GPC2: variants seen among roughly 807,000 people sequenced by gnomAD.
GPC2 encodes glypican-2.
In GPC2, 42 loss-of-function variants were observed where a neutral mutation model predicts 57.3. That is an observed-to-expected ratio of 0.73 (90% confidence interval 0.57 to 0.95). GPC2 has a LOEUF of 0.95. Ranked by LOEUF, GPC2 falls within the 40% of genes least tolerant of loss-of-function variation. GPC2 has a pLI of 0.00. For missense variants in GPC2, 745 were observed against 793.6 expected (o/e 0.94, Z 0.74); for synonymous variants, 364 against 343.4 (o/e 1.06, Z -0.66).
intron 3 of GPC2, among the ~76,000 whole-genome samples, chr7:100,175,057 T>A (rs1799243575): frequency 6.6e-6 from 1 of 152,168 alleles, no homozygotes; most frequent in Non-Finnish European, 1.5e-5. Flanking sequence ...CCAGAAGACC[T>A]GGGTGTGAGC....
At chr7:100,176,083 G>A (rs1173695975) in intron 2 of GPC2, 124 bp downstream of exon 2, 2 of 935,488 alleles carry the variant, frequency 2.1e-6, no homozygotes, top group Admixed American at 2.6e-5. Context: ...AGTCTGGGGG[G>A]TGGGCGGGCT....
In GPC2 at chr7:100,175,660, T is replaced by C; in HGVS notation, c.560A>G (p.Asp187Gly). Residue 187 changes from aspartate to glycine, a missense_variant, in exon 3 of 10, where the codon GAC (aspartate) becomes GGC (glycine). Physicochemically the swap from Asp to Gly is moderately conservative, Grantham distance 94 (BLOSUM62 -1). Coordinates refer to ENST00000292377, the MANE Select transcript of GPC2 (RefSeq NM_152742.3). ...CAAGCGTGAGAGGCAGAGCAGGTAG[T>C]CAGGGGGGAAGCTGTACTGTGGGTG... ...LLHPQYSFPP[D>G]YLLCLSRLAS... The C allele has an allele frequency of 6.2e-7, 1 of 1,613,926 alleles. No individual in the cohort carries two copies. Among genetic ancestry groups the C allele is most frequent in the Non-Finnish European group, 8.5e-7 (1 of 1,179,958 alleles).
chr7:100,171,734 C>CG lies in GPC2; in HGVS notation c.1170+44dup. 1 of 1,476,830 alleles carries CG rather than the reference C, an allele frequency of 6.8e-7. No individual in the cohort carries two copies. Among genetic ancestry groups the CG allele is most frequent in the Non-Finnish European group, 9.0e-7 (1 of 1,113,858 alleles). The allele number at this position is 1,476,830 out of a possible 1,614,324, so 91.5% of individuals were successfully genotyped here. A position where few individuals can be genotyped will look rare whatever the true frequency, so the allele number is the denominator to read the frequency against. ...GGAGCGCGACCCCCACAACCATCCC[C>CG]GGCCCCGGGCCCCCCCGCCCCCAAC... is the stretch of plus-strand genomic sequence containing the variant. On this transcript the variant is annotated intron_variant, in intron 7 of 9. Coordinates refer to ENST00000292377, the MANE Select transcript of GPC2 (RefSeq NM_152742.3). The surrounding 1 kb of genome is among the most constrained non-coding windows in gnomAD (Gnocchi z 4.8).
intron 2 of GPC2, 79 bp downstream of exon 2, chr7:100,176,128 A>T: frequency 7.4e-7 from 1 of 1,350,284 alleles, no homozygotes; most frequent in Non-Finnish European, 1.0e-6. Flanking sequence ...TGGAGTAAGG[A>T]GTGGGGACAG....
chr7:100,172,207 CAGG>C lies in GPC2; in HGVS notation c.900_902del (p.Leu301del), dbSNP rs760360960. ...GGCCCTGGAGCTTATCAGCCAGGATCAGGAGACCATCTTAAGGGAGGGAGAGAA... is the reference window on the plus strand; with the variant it reads ...GGCCCTGGAGCTTATCAGCCAGGATCAGACCATCTTAAGGGAGGGAGAGAA... On this transcript the variant is annotated inframe_deletion, in exon 6 of 10. Coordinates refer to ENST00000292377, the MANE Select transcript of GPC2 (RefSeq NM_152742.3). The C allele has an allele frequency of 2.5e-6, 4 of 1,613,864 alleles. No individual in the cohort carries two copies. Among genetic ancestry groups the C allele is most frequent in the Admixed American group, 3.3e-5 (2 of 59,984 alleles).
In GPC2 at chr7:100,171,204, G is replaced by C. The variant is rs1584629295; in HGVS notation, c.1486+57C>G. ...GGCACGGGCGGGAACTACCAGGAGA[G>C]GGGAGAGGCTTCAGGGCAGTGGGCG... On this transcript the variant is annotated intron_variant, in intron 9 of 9. Transcript: ENST00000292377. The surrounding 1 kb of genome is among the most constrained non-coding windows in gnomAD (Gnocchi z 4.8). 7.0e-7 allele frequency: 1 copy of C among 1,422,142 alleles called. No homozygotes were observed. Among genetic ancestry groups the C allele is most frequent in the Non-Finnish European group, 9.4e-7 (1 of 1,068,050 alleles). 88.1% of individuals were successfully genotyped at this position (1,422,142 alleles called of 1,614,324 possible).
chr7:100,173,800 C>A lies in GPC2; in HGVS notation c.892+35G>T, dbSNP rs370854873. The A allele has an allele frequency of 6.1e-6, 9 of 1,483,612 alleles. No homozygotes were observed. In the African/African-American group the frequency reaches 1.3e-4, roughly 21 times the overall value. 91.9% of individuals were successfully genotyped at this position (1,483,612 alleles called of 1,614,324 possible). A position where few individuals can be genotyped will look rare whatever the true frequency, so the allele number is the denominator to read the frequency against. ...TGCTGTGATTACAGGTGTGAGCCAC[C>A]ATGCCTGGCTCCAGGCTTTCTTGAA... On this transcript the variant is annotated intron_variant, in intron 5 of 9. Transcript: ENST00000292377.
At chr7:100,174,264 G>C in intron 4 of GPC2, 1 of 525,542 alleles carries the variant, frequency 1.9e-6, no homozygotes, top group East Asian at 3.4e-5. Context: ...GCTGGGGAGG[G>C]AGGAGGCGGT....
Position 100,175,661 on chromosome 7 carries a change from CAG to C in GPC2, c.557_558del (p.Pro186ArgfsTer57). 6.2e-7 allele frequency: 1 copy of C among 1,613,986 alleles called. No homozygotes were observed. Among genetic ancestry groups the C allele is most frequent in the Non-Finnish European group, 8.5e-7 (1 of 1,180,000 alleles). ...PLLHPQYSFP[P>X]DYLLCLSRLA... is the part of the protein sequence containing the mutation. The stretch of plus-strand genomic sequence containing the variant: ...AAGCGTGAGAGGCAGAGCAGGTAGT[CAG>C]GGGGGAAGCTGTACTGTGGGTGCAG... On this transcript the variant is annotated frameshift_variant, in exon 3 of 10. Transcript: ENST00000292377. LOFTEE classifies it high-confidence loss of function.
Position 100,171,685 on chromosome 7 carries a change from G to A in GPC2, c.1171-7C>T, listed in dbSNP as rs1218116449. On this transcript the variant is annotated splice_polypyrimidine_tract_variant and splice_region_variant and intron_variant, in intron 7 of 9. Transcript: ENST00000292377. This position sits in a 1 kb window ranked among gnomAD's most constrained non-coding sequence, Gnocchi z 4.8. ...GCTCGCGGAGCTCCCACACCTGGGCGGGCGAGAGGGGGCGGGGCGAGCTGG... is the reference window on the plus strand; with the variant it reads ...GCTCGCGGAGCTCCCACACCTGGGCAGGCGAGAGGGGGCGGGGCGAGCTGG... 2.0e-6 allele frequency: 3 copies of A among 1,481,312 alleles called. No homozygotes were observed. Among genetic ancestry groups the A allele is most frequent in the Non-Finnish European group, 2.7e-6 (3 of 1,126,326 alleles). The allele number at this position is 1,481,312 out of a possible 1,614,324, so 91.8% of individuals were successfully genotyped here.
In GPC2 at chr7:100,176,221, T is replaced by C. The variant is rs751961894; in HGVS notation, c.311A>G (p.His104Arg). The C allele has an allele frequency of 1.2e-6, 2 of 1,609,844 alleles. No homozygotes were observed. Among genetic ancestry groups the C allele is most frequent in the Non-Finnish European group, 1.7e-6 (2 of 1,177,940 alleles). The change falls in exon 2 of 10, where the codon CAC (histidine) becomes CGC (arginine). Residue 104 changes from histidine to arginine, a missense_variant. This residue lies in a region of GPC2 where 138 missense variants were observed against 189.8 expected (regional missense o/e 0.73). Transcript: ENST00000292377. ...SFLVHTLAARHRKFDEFFLEM... is the reference protein window; with the variant it reads ...SFLVHTLAARRRKFDEFFLEM... The stretch of plus-strand genomic sequence containing the variant: ...CAGGTCCTCACCATCAAATTTTCTG[T>C]GCCTGGCAGCCAGTGTGTGAACCAG...
In GPC2 at chr7:100,171,334, C is replaced by T. The variant is rs75779608; in HGVS notation, c.1413G>A (p.Arg471=). The T allele has an allele frequency of 0.19, 293,703 of 1,542,394 alleles. 30,360 individuals are homozygous for T. Among genetic ancestry groups the T allele is most frequent in the Middle Eastern group, 0.36 (2,053 of 5,740 alleles). Residue 471 remains arginine (R), a synonymous_variant, in exon 9 of 10, where the codon CGG becomes CGA. Transcript: ENST00000292377. The surrounding 1 kb of genome is among the most constrained non-coding windows in gnomAD (Gnocchi z 4.8). The part of the protein sequence containing the change: ...SGPDVPTRRR[R]LQLRAATARM... Reference sequence around the variant, plus strand: ...TGGCCGTGGCCGCCCGGAGCTGTAGCCGACGCCGCCGTGTCGGGACATCGG... The same window carrying T: ...TGGCCGTGGCCGCCCGGAGCTGTAGTCGACGCCGCCGTGTCGGGACATCGG...
At chr7:100,174,049 A>G (rs777094356) in intron 4 of GPC2, 52 bp from the exon 5 acceptor site, 21 of 1,449,528 alleles carry the variant, frequency 1.4e-5, no homozygotes, top group East Asian at 2.6e-5. Context: ...GGCTGCTCTC[A>G]GCCTGGCTTG....
intron 5 of GPC2, among the ~76,000 whole-genome samples, chr7:100,172,734 T>TGTATATATATGTATATATACAC (rs1300037688): frequency 2.0e-5 from 3 of 147,474 alleles, no homozygotes; most frequent in East Asian, 2.0e-4. Context: ...TATATATATG[T>TGTATATATATGTATATATACAC]GTATATATAT....
In GPC2 at chr7:100,171,084, C is replaced by T; in HGVS notation, c.1486+177G>A. ...TACTGGCCTGAAAGGATACAGACCC[C>T]CTCATTGATCTGTTACCCCCAGTCT... On this transcript the variant is annotated intron_variant, in intron 9 of 9. Transcript: ENST00000292377. The surrounding 1 kb of genome is among the most constrained non-coding windows in gnomAD (Gnocchi z 4.8). The T allele has an allele frequency of 1.8e-6, 1 of 560,944 alleles. No homozygotes were observed. The highest frequency in any genetic ancestry group is 3.0e-6 in the Non-Finnish European group (1 of 332,858). 34.7% of individuals were successfully genotyped at this position (560,944 alleles called of 1,614,324 possible). A position where few individuals can be genotyped will look rare whatever the true frequency, so the allele number is the denominator to read the frequency against.
chr7:100,177,164 C>T lies in GPC2; in HGVS notation c.36G>A (p.Leu12=). The change falls in exon 1 of 10, where the codon CTG becomes CTA. Residue 12 remains leucine, a synonymous_variant. Coordinates refer to ENST00000292377, the MANE Select transcript of GPC2 (RefSeq NM_152742.3). ...CGGGACCAGGACCGGGACACAGAGG[C>T]AGCAGCAGAAGCAGGAGAGGTCGCA... ...SALRPLLLLL[L]PLCPGPGPGP... 6.2e-7 allele frequency: 1 copy of T among 1,613,868 alleles called. No homozygotes were observed. Among genetic ancestry groups the T allele is most frequent in the Non-Finnish European group, 8.5e-7 (1 of 1,179,906 alleles).
chr7:100,174,384 TG>T, intron 4 of GPC2: 3 of 516,194 alleles, frequency 5.8e-6, no homozygotes, highest in Non-Finnish European at 1.0e-5. Context: ...TGAGGGATCC[TG>T]GGGGGTTGGG....
In GPC2 at chr7:100,171,989, C is replaced by G. The variant is rs1799187391; in HGVS notation, c.1024-64G>C. 1 of 1,564,700 alleles carries G rather than the reference C, an allele frequency of 6.4e-7. No individual in the cohort carries two copies. The highest frequency in any genetic ancestry group is 1.4e-5 in the African/African-American group (1 of 73,936). On this transcript the variant is annotated intron_variant, in intron 6 of 9. Coordinates refer to ENST00000292377, the MANE Select transcript of GPC2 (RefSeq NM_152742.3). The surrounding 1 kb of genome is among the most constrained non-coding windows in gnomAD (Gnocchi z 4.8). ...GGGGAAACCACACTGCGTCCCCACT[C>G]TGACCCCAGAGTCTCTTCCCAGATC...
At chr7:100,176,791 C>CA (rs1294639435) in intron 1 of GPC2, among the ~76,000 whole-genome samples, 1 of 152,072 alleles carries the variant, frequency 6.6e-6, no homozygotes, top group African/African-American at 2.4e-5. Context: ...GAAAGAAACA[C>CA]ATAGGGGGTG....
Sources: gnomAD v4.1 joint callset for allele counts (sites outside exome capture counted in the v4.1 genomes callset) on GRCh38, gnomAD v4.1.1 for gene constraint, gnomAD v4.1.1 regional missense constraint, Gnocchi (gnomAD v3.1) non-coding constraint, MANE v1.5 for transcripts, NCBI Gene and HGNC (gene_info 2026-07-23, HGNC 2026-07-21) for gene names.